Variants in CEP83 observed in about 807,000 individuals in gnomAD.
CEP83 encodes the protein centrosomal protein 83.
A neutral mutation model predicts 101.9 loss-of-function variants in CEP83; 70 were observed. The observed-to-expected ratio is 0.69, with a 90% CI of 0.57 to 0.84. CEP83 has a LOEUF of 0.84. Among genes scored for constraint, CEP83 ranks in the 40% least tolerant of loss-of-function variants. The pLI, the probability that CEP83 is intolerant of heterozygous loss-of-function variation, is 0.00. For missense variants in CEP83, 715 were observed against 787.2 expected, an observed-to-expected ratio of 0.91 and a Z score of 1.10; for synonymous variants, 264 against 267.9, an observed-to-expected ratio of 0.99 and a Z score of 0.14.
chr12:94,298,902 A>C, the CEP83 span: 1 of 1,093,926 alleles, frequency 9.1e-7, no homozygotes, highest in South Asian at 1.5e-5. Flanking sequence ...TCTATATCAG[A>C]ATCTTTGGGC....
chr12:94,296,531 A>ACAGC, the CEP83 span, among the ~76,000 whole-genome samples: 1 of 152,032 alleles, frequency 6.6e-6, no homozygotes, highest in African/African-American at 2.4e-5. Context: ...CTTACCCTTT[A>ACAGC]CAGCCACATT....
At chr12:94,375,219 G>A (rs2061474669) in intron 8 of CEP83, among the ~76,000 whole-genome samples, 2 of 152,096 alleles carry the variant, frequency 1.3e-5, no homozygotes, top group African/African-American at 4.8e-5. Flanking sequence ...AAGCAGGTAA[G>A]GAAGACAGAG....
chr12:94,272,953 C>T, the CEP83 span, among the ~76,000 whole-genome samples: 17 of 152,274 alleles, frequency 1.1e-4, no homozygotes, highest in Admixed American at 9.8e-4. Context: ...GGGAACTGCC[C>T]TTGGGAGGCT....
chr12:94,453,952 C>G (rs915028129), intron 1 of CEP83, among the ~76,000 whole-genome samples: 1 of 152,110 alleles, frequency 6.6e-6, no homozygotes, highest in African/African-American at 2.4e-5. Flanking sequence ...AAAAAATTAG[C>G]TGGGCATGGT....
intron 6 of CEP83, 34 bp downstream of exon 6, chr12:94,400,816 A>T: frequency 7.6e-7 from 1 of 1,307,948 alleles, no homozygotes; most frequent in Non-Finnish European, 1.0e-6. Flanking sequence ...TGACCAGAAC[A>T]ATAACAAAGA....
downstream of CEP83, chr12:94,303,805 A>G: frequency 6.2e-7 from 1 of 1,610,796 alleles, no homozygotes; most frequent in Non-Finnish European, 8.5e-7. Flanking sequence ...CCAACCTACA[A>G]AGAAGAAGTA....
chr12:94,422,916 C>T (rs2064876797), intron 2 of CEP83, among the ~76,000 whole-genome samples: 1 of 152,124 alleles, frequency 6.6e-6, no homozygotes, highest in Non-Finnish European at 1.5e-5. Context: ...TATTCTTGTA[C>T]AAGACTTTCT....
intron 11 of CEP83, among the ~76,000 whole-genome samples, chr12:94,365,322 T>C (rs1378366421): frequency 1.3e-5 from 2 of 152,204 alleles, no homozygotes; most frequent in African/African-American, 2.4e-5. Context: ...CAAAGTGATA[T>C]AATTCTCTTG....
chr12:94,370,533 C>T (rs1285247164), intron 8 of CEP83, among the ~76,000 whole-genome samples: 1 of 152,154 alleles, frequency 6.6e-6, no homozygotes, highest in African/African-American at 2.4e-5. Context: ...CACACCACCA[C>T]ACTCAGATAA....
chr12:94,273,219 ATTC>A, the CEP83 span, among the ~76,000 whole-genome samples: 2,290 of 152,246 alleles, frequency 0.015, 25 homozygotes, highest in Middle Eastern at 0.044. Flanking sequence ...CTAGAACCAT[ATTC>A]TTTTCTTTAC....
chr12:94,381,042 C>A (rs573696631), intron 6 of CEP83, among the ~76,000 whole-genome samples: 13 of 152,268 alleles, frequency 8.5e-5, no homozygotes, highest in Non-Finnish European at 1.9e-4. Flanking sequence ...ATTCAGGCAA[C>A]AAATATTTAC....
intron 14 of CEP83, among the ~76,000 whole-genome samples, chr12:94,313,829 C>G (rs979744922): frequency 2.0e-5 from 3 of 152,060 alleles, no homozygotes; most frequent in African/African-American, 7.2e-5. Context: ...AAGCAAGACT[C>G]TGTCTCAAAA....
chr12:94,298,336 G>A, the CEP83 span, among the ~76,000 whole-genome samples: 1 of 152,194 alleles, frequency 6.6e-6, no homozygotes, highest in Non-Finnish European at 1.5e-5. Flanking sequence ...TATGTAAACA[G>A]CCCTACAACT....
the CEP83 span, among the ~76,000 whole-genome samples, chr12:94,290,414 C>T: frequency 6.6e-6 from 1 of 152,224 alleles, no homozygotes; most frequent in Non-Finnish European, 1.5e-5. Flanking sequence ...AGAGGATGCT[C>T]GTTAATAGGA....
intron 14 of CEP83, chr12:94,328,066 A>G (rs1565916987): frequency 6.3e-6 from 1 of 159,612 alleles, no homozygotes; most frequent in South Asian, 1.6e-4. Flanking sequence ...TGCAACTTCA[A>G]GACTATGATT....
intron 11 of CEP83, among the ~76,000 whole-genome samples, chr12:94,358,596 G>T (rs1368271194): frequency 1.3e-5 from 2 of 152,164 alleles, no homozygotes; most frequent in Admixed American, 6.5e-5. Context: ...TTTCTTCTTG[G>T]AATTCTCCAA....
rs774324006 is a variant in CEP83 at position 94,416,907 on chromosome 12, G to GT, written c.-101-4317dup. On this transcript the variant is annotated intron_variant, in intron 2 of 16. Transcript: ENST00000397809. ...CAGTAATGAGGCTACCCTCTCCAGGGTATCAGGGAAGATCACATGGGGAGC... is the reference window on the plus strand; with the variant it reads ...CAGTAATGAGGCTACCCTCTCCAGGGTTATCAGGGAAGATCACATGGGGAGC... 3.3e-5 allele frequency among the ~76,000 whole-genome samples: 5 copies of GT among 152,046 alleles called. No individual in the cohort carries two copies. In the South Asian group the frequency reaches 8.3e-4, roughly 25 times the overall value.
At chr12:94,403,050 C>G (rs936141898) in intron 5 of CEP83, 120 bp downstream of exon 5, 2 of 584,904 alleles carry the variant, frequency 3.4e-6, no homozygotes, top group Non-Finnish European at 6.0e-6. Flanking sequence ...TTAGAGGCCA[C>G]TGCAATGACT....
chr12:94,452,969 A>C (rs1430609688), intron 1 of CEP83, among the ~76,000 whole-genome samples: 1 of 152,228 alleles, frequency 6.6e-6, no homozygotes, highest in Admixed American at 6.5e-5. Flanking sequence ...GCTGCTAAAC[A>C]AGGACTTAAA....
Sources: allele counts gnomAD v4.1 joint callset (sites outside exome capture counted in the v4.1 genomes callset), GRCh38; gene constraint gnomAD v4.1.1; transcripts MANE v1.5; gene names NCBI Gene and HGNC (gene_info 2026-07-23, HGNC 2026-07-21).